The following ARHGAP15 variants were observed in gnomAD, a reference collection of about 807,000 sequenced individuals.
The protein encoded by ARHGAP15 is Rho GTPase activating protein 15.
In ARHGAP15, 51 loss-of-function variants were observed where a neutral mutation model predicts 63.7. The ratio of observed to expected loss-of-function variants is 0.80; its 90% confidence interval spans 0.64 to 1.01. The LOEUF is 1.01. Among genes scored for constraint, ARHGAP15 ranks in the 50% least tolerant of loss-of-function variants. The pLI is 0.00. For missense variants in ARHGAP15, 560 were observed against 564.6 expected (o/e 0.99, Z 0.08); for synonymous variants, 191 against 193.8 (o/e 0.99, Z 0.12).
intron 13 of ARHGAP15, among the ~76,000 whole-genome samples, chr2:143,705,819 G>C (rs1289531573): frequency 6.6e-6 from 1 of 152,010 alleles, no homozygotes; most frequent in Admixed American, 6.6e-5. Context: ...ACACACAGAA[G>C]AGAATCTATC....
chr2:143,422,852 A>T (rs1423882875), intron 6 of ARHGAP15, among the ~76,000 whole-genome samples: 3 of 152,072 alleles, frequency 2.0e-5, no homozygotes, highest in Non-Finnish European at 4.4e-5. Flanking sequence ...AACCACCAGA[A>T]TAGGGAACCA....
chr2:143,646,191 C>A (rs1424922341), intron 12 of ARHGAP15, among the ~76,000 whole-genome samples: 1 of 151,932 alleles, frequency 6.6e-6, no homozygotes, highest in African/African-American at 2.4e-5. Context: ...GCTGTGAGAG[C>A]AGAAGGGTAA....
intron 2 of ARHGAP15, among the ~76,000 whole-genome samples, chr2:143,188,716 G>T (rs1308925175): frequency 2.6e-5 from 4 of 151,570 alleles, no homozygotes; most frequent in Non-Finnish European, 5.9e-5. Flanking sequence ...TGCCTCCCAG[G>T]TTCAAGCTAT....
At chr2:143,552,425 T>C (rs1204318292) in intron 10 of ARHGAP15, among the ~76,000 whole-genome samples, 1 of 152,188 alleles carries the variant, frequency 6.6e-6, no homozygotes, top group Admixed American at 6.5e-5. Flanking sequence ...GATTTCTTTT[T>C]GCAAAGTGTC....
intron 8 of ARHGAP15, among the ~76,000 whole-genome samples, chr2:143,444,649 T>A (rs957484433): frequency 2.6e-5 from 4 of 152,136 alleles, no homozygotes; most frequent in Non-Finnish European, 5.9e-5. Context: ...TATTTGGATG[T>A]CCCAAATAGG....
intron 11 of ARHGAP15, chr2:143,608,439 C>T (rs1024187414): frequency 2.0e-5 from 3 of 152,108 alleles, no homozygotes; most frequent in African/African-American, 7.2e-5. Context: ...AAAACATTCT[C>T]AAAAGGGCAC....
At chr2:143,547,290 A>G (rs1695373604) in intron 10 of ARHGAP15, among the ~76,000 whole-genome samples, 1 of 152,184 alleles carries the variant, frequency 6.6e-6, no homozygotes, top group African/African-American at 2.4e-5. Flanking sequence ...TTAACCAGGT[A>G]TTAAGGTACA....
intron 6 of ARHGAP15, among the ~76,000 whole-genome samples, chr2:143,298,932 A>G (rs1682769925): frequency 6.6e-6 from 1 of 151,928 alleles, no homozygotes; most frequent in Non-Finnish European, 1.5e-5. Flanking sequence ...GAGAAAAGTG[A>G]CTTGCTCAGG....
chr2:143,605,653 A>G (rs1697963258), intron 11 of ARHGAP15, among the ~76,000 whole-genome samples: 1 of 151,786 alleles, frequency 6.6e-6, no homozygotes, highest in African/African-American at 2.4e-5. Flanking sequence ...TAAAGTAAGA[A>G]ATTTTTGACT....
chr2:143,398,711 C>T (rs2104990079), intron 6 of ARHGAP15, among the ~76,000 whole-genome samples: 1 of 152,114 alleles, frequency 6.6e-6, no homozygotes, highest in Non-Finnish European at 1.5e-5. Flanking sequence ...ATTGCACTTT[C>T]ACTTTAGATT....
chr2:143,496,315 T>C (rs1692813179), intron 9 of ARHGAP15, among the ~76,000 whole-genome samples: 1 of 152,150 alleles, frequency 6.6e-6, no homozygotes, highest in Non-Finnish European at 1.5e-5. Flanking sequence ...TAAAAGCCTG[T>C]TGTGCACACA....
intron 8 of ARHGAP15, among the ~76,000 whole-genome samples, chr2:143,444,184 T>G (rs1371763847): frequency 6.6e-6 from 1 of 152,160 alleles, no homozygotes; most frequent in Non-Finnish European, 1.5e-5. Flanking sequence ...TCTGATTTCA[T>G]TAGGTCAAAT....
rs1558898102 is a variant in ARHGAP15 at position 143,330,133 on chromosome 2, C to CAAAAAAAAAAA, written c.474+79538_474+79539insAAAAAAAAAAA. 7.8e-3 allele frequency among the ~76,000 whole-genome samples: 291 copies of CAAAAAAAAAAA among 37,298 alleles called. 34 individuals carry two copies. Among genetic ancestry groups the CAAAAAAAAAAA allele is most frequent in the Non-Finnish European group, 0.01 (197 of 19,130 alleles). The allele number at this position is 37,298 out of a possible 152,430, so 24.5% of individuals were successfully genotyped here. A position where few individuals can be genotyped will look rare whatever the true frequency, so the allele number is the denominator to read the frequency against. The stretch of plus-strand genomic sequence containing the variant: ...AAAAAAAAAAAAAAAAAAAAAAAAC[C>CAAAAAAAAAAA]AAAAACAAAAAACTAAACTAATGAT... On this transcript the variant is annotated intron_variant, in intron 6 of 13. Coordinates refer to ENST00000295095, the MANE Select transcript of ARHGAP15 (RefSeq NM_018460.4).
intron 13 of ARHGAP15, among the ~76,000 whole-genome samples, chr2:143,753,117 C>G (rs1293668797): frequency 6.6e-6 from 1 of 152,166 alleles, no homozygotes; most frequent in Non-Finnish European, 1.5e-5. Context: ...TGCACTCTAG[C>G]CTGGGCGACA....
intron 6 of ARHGAP15, among the ~76,000 whole-genome samples, chr2:143,324,644 G>A (rs531106376): frequency 3.4e-4 from 51 of 149,522 alleles, no homozygotes; most frequent in Non-Finnish European, 6.3e-4. Flanking sequence ...ATAATCTTAC[G>A]TTCAGATTTT....
intron 13 of ARHGAP15, among the ~76,000 whole-genome samples, chr2:143,756,139 AAAAGT>A (rs1686568305): frequency 2.0e-5 from 3 of 152,188 alleles, no homozygotes; most frequent in Admixed American, 6.6e-5. Flanking sequence ...GCCCTCAATG[AAAAGT>A]AAAGTTGCTC....
intron 6 of ARHGAP15, among the ~76,000 whole-genome samples, chr2:143,303,658 A>G (rs1367995761): frequency 6.6e-6 from 1 of 152,186 alleles, no homozygotes. Context: ...AGAAACTACC[A>G]TCAGAGTGAA....
intron 6 of ARHGAP15, among the ~76,000 whole-genome samples, chr2:143,393,409 A>C (rs941860547): frequency 2.0e-5 from 3 of 152,132 alleles, no homozygotes; most frequent in Non-Finnish European, 4.4e-5. Flanking sequence ...TTTACAAGAA[A>C]TCTTATGTTA....
chr2:143,218,761 C>A (rs1220914390), intron 4 of ARHGAP15, among the ~76,000 whole-genome samples: 1 of 152,028 alleles, frequency 6.6e-6, no homozygotes, highest in African/African-American at 2.4e-5. Flanking sequence ...CTTACACAAG[C>A]CTAGATGGTA....
Sources: gnomAD v4.1 joint callset for allele counts (sites outside exome capture counted in the v4.1 genomes callset) on GRCh38, gnomAD v4.1.1 for gene constraint, MANE v1.5 for transcripts, NCBI Gene and HGNC (gene_info 2026-07-23, HGNC 2026-07-21) for gene names.